NAA11: variants seen among roughly 807,000 people sequenced by gnomAD.
The protein encoded by NAA11 is N-alpha-acetyltransferase 11.
In NAA11, 15 loss-of-function variants were observed where a neutral mutation model predicts 16.1. That is an observed-to-expected ratio of 0.93 (90% CI 0.62 to 1.44). The LOEUF is 1.44. Ranked by LOEUF, NAA11 falls within the 40% of genes most tolerant of loss-of-function variation. The probability of loss-of-function intolerance (pLI) is 0.00; values close to 1 mark genes in which losing one functional copy is unlikely to be tolerated. For synonymous variants in NAA11, 122 were observed against 112.4 expected (o/e 1.09, Z -0.54); for missense variants, 298 against 291.3 (o/e 1.02, Z -0.17).
chr4:79,275,029 T>C (rs1722617088), intron 2 of NAA11, among the ~76,000 whole-genome samples: 1 of 152,110 alleles, frequency 6.6e-6, no homozygotes, highest in South Asian at 2.1e-4. Flanking sequence ...GTGGATGGCT[T>C]GATGGAACTA....
the NAA11 span, among the ~76,000 whole-genome samples, chr4:79,201,044 G>GT: frequency 5.9e-5 from 9 of 151,330 alleles, no homozygotes; most frequent in Admixed American, 3.3e-4. Flanking sequence ...TTTATATTGT[G>GT]TTTTTTTCTT....
At chr4:79,178,271 T>A in the NAA11 span, among the ~76,000 whole-genome samples, 1 of 152,212 alleles carries the variant, frequency 6.6e-6, no homozygotes, top group Non-Finnish European at 1.5e-5. Context: ...ACGAGTTCAA[T>A]GTATAAACTA....
intron 1 of NAA11, among the ~76,000 whole-genome samples, chr4:79,298,849 C>G (rs1387111700): frequency 6.6e-6 from 1 of 152,186 alleles, no homozygotes; most frequent in African/African-American, 2.4e-5. Context: ...ATGGACATCC[C>G]GAAGATCCCA....
At chr4:79,215,619 C>T in the NAA11 span, among the ~76,000 whole-genome samples, 1 of 152,182 alleles carries the variant, frequency 6.6e-6, no homozygotes. Flanking sequence ...TCACAATTGT[C>T]GCTTTCTGCC....
chr4:79,229,262 T>C (rs1721402041), intron 2 of NAA11, among the ~76,000 whole-genome samples: 3 of 151,968 alleles, frequency 2.0e-5, no homozygotes, highest in Admixed American at 2.0e-4. Flanking sequence ...TGAGTTGATA[T>C]TCATCTTTTA....
chr4:79,262,206 G>C (rs1046182395), intron 2 of NAA11, among the ~76,000 whole-genome samples: 2 of 152,076 alleles, frequency 1.3e-5, no homozygotes, highest in African/African-American at 4.8e-5. Context: ...GAAAGAACTA[G>C]AACTTCTGCT....
chr4:79,314,972 GATTTATGTAAATGTAT>G (rs1207999993), downstream of NAA11, among the ~76,000 whole-genome samples: 3 of 151,884 alleles, frequency 2.0e-5, no homozygotes, highest in Non-Finnish European at 4.4e-5. Context: ...ACTCAAACAG[GATTTATGTAAATGTAT>G]ATTTAAGAAG....
At chr4:79,282,988 A>G (rs988150711) in intron 2 of NAA11, among the ~76,000 whole-genome samples, 1 of 152,114 alleles carries the variant, frequency 6.6e-6, no homozygotes, top group African/African-American at 2.4e-5. Context: ...TGAGAGCCAA[A>G]CTCAGAGAGG....
At chr4:79,204,507 C>T in the NAA11 span, among the ~76,000 whole-genome samples, 1 of 146,576 alleles carries the variant, frequency 6.8e-6, no homozygotes, top group Non-Finnish European at 1.5e-5. Flanking sequence ...TTTTTCCTGC[C>T]TCCCTCCCTC....
chr4:79,266,676 C>A (rs901039213), intron 2 of NAA11, among the ~76,000 whole-genome samples: 3 of 152,210 alleles, frequency 2.0e-5, no homozygotes, highest in Admixed American at 6.5e-5. Flanking sequence ...AAAACGTATT[C>A]TTCCGGTTGA....
rs1446957851 is a variant in NAA11 at position 79,237,709 on chromosome 4, G to C, written c.*123-11439C>G. 2.0e-5 allele frequency among the ~76,000 whole-genome samples: 3 copies of C among 152,210 alleles called. No individual in the cohort carries two copies. In the East Asian group the frequency reaches 5.8e-4, roughly 29 times the overall value. ...AATTATTGATTAGTGCAGAAACTTA[G>C]GTCTAAACATTGACGAAAAGCTGTT... is the stretch of plus-strand genomic sequence containing the variant. On this transcript the variant is annotated intron_variant and NMD_transcript_variant, in intron 2 of 2. Coordinates refer to the NAA11 transcript ENST00000511542.
At chr4:79,306,650 T>C (rs1723588986) in intron 1 of NAA11, 1 of 152,208 alleles carries the variant, frequency 6.6e-6, no homozygotes, top group Non-Finnish European at 1.5e-5. Flanking sequence ...ATAACAGTAC[T>C]TTGAAAAATG....
chr4:79,307,526 G>C (rs1011396338), intron 1 of NAA11, among the ~76,000 whole-genome samples: 1 of 152,038 alleles, frequency 6.6e-6, no homozygotes, highest in Non-Finnish European at 1.5e-5. Flanking sequence ...AGCTACATAT[G>C]ATTTCTGGTT....
At chr4:79,167,266 T>G in the NAA11 span, among the ~76,000 whole-genome samples, 468 of 119,282 alleles carry the variant, frequency 3.9e-3, 4 homozygotes, top group South Asian at 0.012. Flanking sequence ...TATATATATA[T>G]ATATAGAGAG....
At chr4:79,237,652 T>G (rs895526623) in intron 2 of NAA11, among the ~76,000 whole-genome samples, 1 of 152,196 alleles carries the variant, frequency 6.6e-6, no homozygotes, top group Non-Finnish European at 1.5e-5. Flanking sequence ...TAAACTAAAT[T>G]GTTAAATTAG....
At chr4:79,315,162 A>G (rs1723890271), downstream of NAA11, among the ~76,000 whole-genome samples, 1 of 152,102 alleles carries the variant, frequency 6.6e-6, no homozygotes, top group Non-Finnish European at 1.5e-5. Flanking sequence ...AACTAGTTAG[A>G]AATGCAGATA....
the NAA11 span, among the ~76,000 whole-genome samples, chr4:79,158,178 G>A: frequency 9.4e-4 from 87 of 92,192 alleles, 2 homozygotes; most frequent in Middle Eastern, 0.018. Flanking sequence ...TGGGATTACA[G>A]CCGTGAGACA....
chr4:79,306,869 T>A (rs191768304), intron 1 of NAA11: 35 of 152,340 alleles, frequency 2.3e-4, no homozygotes, highest in African/African-American at 7.9e-4. Context: ...CATATTTTGT[T>A]ACCTCATCAA....
At chr4:79,236,365 T>G (rs1244330066) in intron 2 of NAA11, among the ~76,000 whole-genome samples, 1 of 152,076 alleles carries the variant, frequency 6.6e-6, no homozygotes, top group African/African-American at 2.4e-5. Context: ...AGGAACTCTA[T>G]GAATATAAAT....
Sources: gnomAD v4.1 joint callset for allele counts (sites outside exome capture counted in the v4.1 genomes callset) on GRCh38, gnomAD v4.1.1 for gene constraint, MANE v1.5 for transcripts, NCBI Gene and HGNC (gene_info 2026-07-23, HGNC 2026-07-21) for gene names.